Variants in BEND3 observed in about 807,000 individuals in gnomAD.
The protein encoded by BEND3 is BEN domain containing 3, also known as BEN domain-containing protein 3.
A neutral mutation model predicts 60.1 loss-of-function variants in BEND3; 13 were observed. The ratio of observed to expected loss-of-function variants is 0.22; its 90% CI spans 0.14 to 0.34. The LOEUF (loss-of-function observed/expected upper bound fraction) is 0.34. Among genes scored for constraint, BEND3 ranks in the 10% least tolerant of loss-of-function variants. The pLI is 1.00. For missense variants in BEND3, 896 were observed against 1,138.1 expected (o/e 0.79, Z 3.06); for synonymous variants, 497 against 491.5 (o/e 1.01, Z -0.15).
chr6:107,083,402 T>C (rs1775272691), intron 3 of BEND3, among the ~76,000 whole-genome samples: 1 of 152,120 alleles, frequency 6.6e-6, no homozygotes, highest in South Asian at 2.1e-4. Flanking sequence ...GGAGGAATGC[T>C]TGAGCCCAGG....
chr6:107,113,467 C>G (rs1554238816), intron 1 of BEND3, among the ~76,000 whole-genome samples: 1 of 137,576 alleles, frequency 7.3e-6, no homozygotes, highest in Admixed American at 7.2e-5. Flanking sequence ...AAAAAAAACT[C>G]ATGTTCCATG....
At position 107,069,044 on chromosome 6, in the gene BEND3, G is replaced by A. The variant is rs1056911757; in HGVS notation, c.2147C>T (p.Pro716Leu). The A allele has an allele frequency of 2.7e-5, 43 of 1,613,546 alleles. No homozygotes were observed. The highest frequency in any genetic ancestry group is 3.6e-5 in the Non-Finnish European group (43 of 1,180,026). Reference sequence around the variant, plus strand: ...CTTGTCAGACAGCAGGTAGGGAGAAGGCACCGGGAAGTCAGGCGAGGGGAC... The same window carrying A: ...CTTGTCAGACAGCAGGTAGGGAGAAAGCACCGGGAAGTCAGGCGAGGGGAC... ...LVVPSPDFPV[P>L]SPYLLSDKEV... is the part of the protein sequence containing the mutation. Residue 716 changes from proline to leucine, a missense_variant, in exon 4 of 4, where the codon CCT (proline) becomes CTT (leucine). Physicochemically the swap from Pro to Leu is moderately conservative, Grantham distance 98 (BLOSUM62 -3). Transcript: ENST00000369042.
At position 107,071,049 on chromosome 6, in the gene BEND3, T is replaced by C. The variant is rs563569204; in HGVS notation, c.241-99A>G. On this transcript the variant is annotated intron_variant, in intron 3 of 3. Transcript: ENST00000369042. Reference sequence around the variant, plus strand: ...AGCACACAGAGGCCGAGGTCAACCTTGGGAGCATGTAAGAAACTGATTCCT... The same window carrying C: ...AGCACACAGAGGCCGAGGTCAACCTCGGGAGCATGTAAGAAACTGATTCCT... The C allele has an allele frequency of 9.4e-6, 11 of 1,174,810 alleles. No homozygotes were observed. In the African/African-American group the frequency reaches 1.7e-4, roughly 18 times the overall value. 72.8% of individuals were successfully genotyped at this position (1,174,810 alleles called of 1,614,324 possible). A position where few individuals can be genotyped will look rare whatever the true frequency, so the allele number is the denominator to read the frequency against.
Position 107,073,469 on chromosome 6 carries a change from G to A in BEND3, c.241-2519C>T, listed in dbSNP as rs535211920. Among the ~76,000 whole-genome samples the A allele has an allele frequency of 2.2e-4, 34 of 151,828 alleles. 1 individual carries two copies. In the Middle Eastern group the frequency reaches 0.01, roughly 46 times the overall value. ...CTGTCAAACTGCATGATGGTTGTGCGATGGGACCACGTTGTTCCTGAGTCT... is the reference window on the plus strand; with the variant it reads ...CTGTCAAACTGCATGATGGTTGTGCAATGGGACCACGTTGTTCCTGAGTCT... On this transcript the variant is annotated intron_variant, in intron 3 of 3. Coordinates refer to ENST00000369042, the MANE Select transcript of BEND3 (RefSeq NM_001367314.1).
chr6:107,102,358 AG>A (rs1303135530), intron 1 of BEND3, among the ~76,000 whole-genome samples: 2 of 152,028 alleles, frequency 1.3e-5, no homozygotes, highest in Non-Finnish European at 2.9e-5. Flanking sequence ...GGTTGGAAGG[AG>A]GCTATTTTCT....
intron 1 of BEND3, among the ~76,000 whole-genome samples, chr6:107,102,040 T>C (rs1401320798): frequency 6.6e-6 from 1 of 151,996 alleles, no homozygotes; most frequent in African/African-American, 2.4e-5. Context: ...AAAAGGGTCA[T>C]GGTGAAAGAA....
rs4946811 is a variant in BEND3, at chr6:107,099,312, A to G, written c.-11-16T>C. ...TTCTATTCCGCTAAATAAAAAGACAAAGACAATGTGTTGACTTATTGCTTG... is the reference window on the plus strand; with the variant it reads ...TTCTATTCCGCTAAATAAAAAGACAGAGACAATGTGTTGACTTATTGCTTG... On this transcript the variant is annotated splice_polypyrimidine_tract_variant and intron_variant, in intron 1 of 3. Coordinates refer to ENST00000369042, the MANE Select transcript of BEND3 (RefSeq NM_001367314.1). The G allele has an allele frequency of 6.3e-7, 1 of 1,596,456 alleles. No individual in the cohort carries two copies. Among genetic ancestry groups the G allele is most frequent in the Non-Finnish European group, 8.6e-7 (1 of 1,165,978 alleles).
At chr6:107,071,173 C>T (rs1422212122) in intron 3 of BEND3, among the ~76,000 whole-genome samples, 3 of 152,220 alleles carry the variant, frequency 2.0e-5, no homozygotes, top group African/African-American at 7.2e-5. Context: ...TGAGAAAAGA[C>T]TCAGGCTGGG....
chr6:107,092,554 G>C (rs988307595), intron 3 of BEND3, among the ~76,000 whole-genome samples: 19 of 152,198 alleles, frequency 1.2e-4, no homozygotes, highest in African/African-American at 3.6e-4. Context: ...GGTTTCCCAT[G>C]AAGATCAGGC....
intron 1 of BEND3, chr6:107,114,518 TC>T: frequency 6.6e-6 from 1 of 151,156 alleles, no homozygotes; most frequent in Non-Finnish European, 1.5e-5. Flanking sequence ...GAGCGGCTGC[TC>T]CCCCGGCCTC....
rs139405202 is a variant in BEND3, at chr6:107,098,957, A to G, written c.38-204T>C. Among the ~76,000 whole-genome samples the G allele has an allele frequency of 5.7e-4, 87 of 152,320 alleles. 1 individual carries two copies. In the East Asian group the frequency reaches 0.013, roughly 23 times the overall value. ...GTGCTGTACAATAAAGCCATGTTCC[A>G]AGAGCATTTAGTTCAAATTGGTTTA... On this transcript the variant is annotated intron_variant, in intron 2 of 3. Transcript: ENST00000369042.
intron 3 of BEND3, among the ~76,000 whole-genome samples, chr6:107,082,714 C>T (rs1775259489): frequency 6.6e-6 from 1 of 152,204 alleles, no homozygotes; most frequent in Non-Finnish European, 1.5e-5. Flanking sequence ...CAGGCGTGAG[C>T]AACCGCGCCC....
At chr6:107,084,876 G>T (rs560808834) in intron 3 of BEND3, among the ~76,000 whole-genome samples, 2 of 152,182 alleles carry the variant, frequency 1.3e-5, no homozygotes, top group Non-Finnish European at 2.9e-5. Flanking sequence ...AGCAGGACAC[G>T]GGCCAAATAA....
intron 3 of BEND3, among the ~76,000 whole-genome samples, chr6:107,077,986 C>T (rs1333908617): frequency 6.6e-6 from 1 of 152,152 alleles, no homozygotes; most frequent in Non-Finnish European, 1.5e-5. Flanking sequence ...TGGCATACGG[C>T]TCTTGAACAC....
At position 107,086,079 on chromosome 6, in the gene BEND3, G is replaced by A. The variant is rs1423184540; in HGVS notation, c.240+12472C>T. ...TGGGATTACAGGCATGAGCCACCGC[G>A]CCTGGCCGCCTTCTCTTTTCTTAAG... On this transcript the variant is annotated intron_variant, in intron 3 of 3. Coordinates refer to ENST00000369042, the MANE Select transcript of BEND3 (RefSeq NM_001367314.1). Among the ~76,000 whole-genome samples, 12 of 152,010 alleles carry A rather than the reference G, an allele frequency of 7.9e-5. No homozygotes were observed. In the East Asian group the frequency reaches 1.2e-3, roughly 15 times the overall value.
At position 107,073,197 on chromosome 6, in the gene BEND3, GTATGTATATA is replaced by G. The variant is rs1468444448; in HGVS notation, c.241-2257_241-2248del. Among the ~76,000 whole-genome samples, 16 of 30,218 alleles carry G rather than the reference GTATGTATATA, an allele frequency of 5.3e-4. 1 individual carries two copies. Among genetic ancestry groups the G allele is most frequent in the East Asian group, 1.2e-3 (2 of 1,640 alleles). The allele number at this position is 30,218 out of a possible 152,430, so 19.8% of individuals were successfully genotyped here. A position where few individuals can be genotyped will look rare whatever the true frequency, so the allele number is the denominator to read the frequency against. On this transcript the variant is annotated intron_variant, in intron 3 of 3. Transcript: ENST00000369042. ...AATACTTCCTTCAGGGTTTGTATGT[GTATGTATATA>G]TATATATATATATATATATATATAT...
At chr6:107,111,655 G>A (rs1770093939) in intron 1 of BEND3, among the ~76,000 whole-genome samples, 1 of 152,162 alleles carries the variant, frequency 6.6e-6, no homozygotes, top group African/African-American at 2.4e-5. Flanking sequence ...AATACAATTA[G>A]GTTAGCAACC....
At chr6:107,085,784 C>A (rs1272155506) in intron 3 of BEND3, among the ~76,000 whole-genome samples, 4 of 139,704 alleles carry the variant, frequency 2.9e-5, no homozygotes, top group African/African-American at 5.4e-5. Context: ...AGCCACCGCA[C>A]CTGGCCTTAT....
intron 3 of BEND3, among the ~76,000 whole-genome samples, chr6:107,093,256 C>T (rs959494454): frequency 7.9e-5 from 12 of 152,052 alleles, no homozygotes; most frequent in Non-Finnish European, 2.9e-5. Context: ...GCCAGGAGAT[C>T]GAGACCATCC....
Sources: gnomAD v4.1 joint callset for allele counts (sites outside exome capture counted in the v4.1 genomes callset) on GRCh38, gnomAD v4.1.1 for gene constraint, MANE v1.5 for transcripts, NCBI Gene and HGNC (gene_info 2026-07-23, HGNC 2026-07-21) for gene names.